PTH2R: variants seen among roughly 807,000 people sequenced by gnomAD.
The protein encoded by PTH2R is parathyroid hormone 2 receptor, also known as PTH2 receptor.
PTH2R carries 59 observed loss-of-function variants against 60.3 expected under a neutral mutation model. The observed-to-expected ratio is 0.98, with a 90% CI of 0.79 to 1.22. PTH2R has a LOEUF of 1.22. Among genes scored for constraint, PTH2R ranks in the 50% most tolerant of loss-of-function variants. The pLI, the probability that PTH2R is intolerant of heterozygous loss-of-function variation, is 0.00. For missense variants in PTH2R, 749 were observed against 682.6 expected (o/e 1.10, Z -1.08); for synonymous variants, 256 against 243.8 (o/e 1.05, Z -0.47).
In PTH2R at chr2:208,443,398, T is replaced by C; in HGVS notation, c.560T>C (p.Phe187Ser). 6.2e-7 allele frequency: 1 copy of C among 1,612,310 alleles called. No individual in the cohort carries two copies. The highest frequency in any genetic ancestry group is 8.5e-7 in the Non-Finnish European group (1 of 1,179,322). The part of the protein sequence containing the change: ...NYIHMHLFVS[F>S]MLRATSIFVK... Reference sequence around the variant, plus strand: ...ATCCACATGCACTTATTTGTGTCTTTCATGCTGAGAGCTACAAGCATCTTT... The same window carrying C: ...ATCCACATGCACTTATTTGTGTCTTCCATGCTGAGAGCTACAAGCATCTTT... The change falls in exon 6 of 13, where the codon TTC becomes TCC. Residue 187 changes from phenylalanine to serine, a missense_variant. Transcript: ENST00000272847.
chr2:208,361,033 C>T (rs545463447), intron 1 of PTH2R: 38 of 218,486 alleles, frequency 1.7e-4, no homozygotes, highest in Admixed American at 5.4e-4. Context: ...GTTATTCTCC[C>T]GCTGGAAATA....
chr2:208,466,472 T>C (rs1702754025), intron 9 of PTH2R: 1 of 152,302 alleles, frequency 6.6e-6, no homozygotes, highest in South Asian at 2.1e-4. Context: ...TTCAGTGGAC[T>C]TCTGATAACA....
intron 1 of PTH2R, among the ~76,000 whole-genome samples, chr2:208,397,796 T>A (rs1701240117): frequency 6.6e-6 from 1 of 152,100 alleles, no homozygotes; most frequent in African/African-American, 2.4e-5. Context: ...TGGGGATATG[T>A]GGGGTGGCCA....
chr2:208,444,500 T>C (rs1702248885), intron 6 of PTH2R, among the ~76,000 whole-genome samples: 1 of 152,212 alleles, frequency 6.6e-6, no homozygotes, highest in Non-Finnish European at 1.5e-5. Context: ...AGGTGATTTT[T>C]TTGGTAACTT....
intron 1 of PTH2R, among the ~76,000 whole-genome samples, chr2:208,401,485 C>T (rs1279797317): frequency 2.6e-5 from 4 of 151,670 alleles, no homozygotes; most frequent in Non-Finnish European, 4.4e-5. Flanking sequence ...ACCTTCCAAA[C>T]CGCTCAGTGA....
intron 1 of PTH2R, among the ~76,000 whole-genome samples, chr2:208,368,837 T>G (rs1159435140): frequency 1.3e-5 from 2 of 152,210 alleles, no homozygotes; most frequent in African/African-American, 4.8e-5. Flanking sequence ...GTAAGACTAT[T>G]GGAAGGAAAT....
At chr2:208,428,842 T>G (rs1226227319) in intron 2 of PTH2R, among the ~76,000 whole-genome samples, 1 of 152,188 alleles carries the variant, frequency 6.6e-6, no homozygotes, top group Non-Finnish European at 1.5e-5. Flanking sequence ...CCCAGCACTT[T>G]GGGAGGCCGA....
chr2:208,428,486 C>A (rs1394485250), intron 2 of PTH2R, among the ~76,000 whole-genome samples, 183 bp downstream of exon 2: 1 of 152,156 alleles, frequency 6.6e-6, no homozygotes, highest in African/African-American at 2.4e-5. Context: ...TTTTCCTTCC[C>A]TGTGGAAAAA....
At position 208,465,388 on chromosome 2, in the gene PTH2R, C is replaced by CTTTTTTTT. The variant is rs60871321; in HGVS notation, c.981+5452_981+5459dup. ...ACATACTTGTTGGCTATTTGTAAGTCTTTTTTTTTTTTTTTTTTTTTTTTT... is the reference window on the plus strand; with the variant it reads ...ACATACTTGTTGGCTATTTGTAAGTCTTTTTTTTTTTTTTTTTTTTTTTTTTTTTTTTT... On this transcript the variant is annotated intron_variant, in intron 9 of 12. Coordinates refer to ENST00000272847, the MANE Select transcript of PTH2R (RefSeq NM_005048.4). Among the ~76,000 whole-genome samples, 37 of 39,940 alleles carry CTTTTTTTT rather than the reference C, an allele frequency of 9.3e-4. 6 individuals are homozygous for CTTTTTTTT. The highest frequency in any genetic ancestry group is 1.9e-3 in the East Asian group (2 of 1,028). 26.2% of individuals were successfully genotyped at this position (39,940 alleles called of 152,430 possible).
At chr2:208,388,223 A>G (rs1282443963) in intron 1 of PTH2R, among the ~76,000 whole-genome samples, 2 of 149,358 alleles carry the variant, frequency 1.3e-5, no homozygotes, top group Non-Finnish European at 3.0e-5. Flanking sequence ...AGGCTGAGGC[A>G]GGAGAATGGA....
intron 9 of PTH2R, among the ~76,000 whole-genome samples, chr2:208,461,633 G>C (rs1702637353): frequency 6.6e-6 from 1 of 152,082 alleles, no homozygotes; most frequent in Non-Finnish European, 1.5e-5. Flanking sequence ...TTGATGAAAA[G>C]GAAGGACCTA....
chr2:208,388,035 C>T (rs766159388), intron 1 of PTH2R, among the ~76,000 whole-genome samples: 3 of 151,770 alleles, frequency 2.0e-5, no homozygotes, highest in African/African-American at 4.8e-5. Flanking sequence ...TTCAGCCGGG[C>T]GCGGTGGCTC....
chr2:208,482,214 G>C (rs887526401), intron 10 of PTH2R, among the ~76,000 whole-genome samples: 2 of 152,056 alleles, frequency 1.3e-5, no homozygotes, highest in Non-Finnish European at 2.9e-5. Context: ...CACCATTTAG[G>C]TAGTTATTGT....
At position 208,442,362 on chromosome 2, in the gene PTH2R, A is replaced by G. The variant is rs1391177601; in HGVS notation, c.412-2A>G. ...CATACATGAGCATCTCTTCCCTTGC[A>G]GCAAGAATTCTTTGAACGCCTCTAT... On this transcript the variant is annotated splice_acceptor_variant, in intron 4 of 12. Transcript: ENST00000272847. LOFTEE classifies it high-confidence loss of function. The G allele has an allele frequency of 2.5e-6, 4 of 1,604,312 alleles. No individual in the cohort carries two copies. In the Admixed American group the frequency reaches 5.0e-5, roughly 20 times the overall value.
upstream of PTH2R, among the ~76,000 whole-genome samples, chr2:208,404,598 T>A (rs1004991532): frequency 1.3e-5 from 2 of 152,216 alleles, no homozygotes; most frequent in African/African-American, 4.8e-5. Flanking sequence ...TCTCATTTAA[T>A]TGTTACACGG....
At chr2:208,459,283 T>C (rs1038512986) in intron 8 of PTH2R, among the ~76,000 whole-genome samples, 2 of 152,178 alleles carry the variant, frequency 1.3e-5, no homozygotes, top group Non-Finnish European at 2.9e-5. Flanking sequence ...CACATTTACA[T>C]TCAGTACAAT....
At chr2:208,393,299 CAG>C (rs201308025) in intron 1 of PTH2R, among the ~76,000 whole-genome samples, 111,724 of 151,910 alleles carry the variant, frequency 0.74, 44,883 homozygotes, top group East Asian at 0.94. Context: ...TCAACTGAAT[CAG>C]GGGATAAAGA....
At chr2:208,433,667 G>C (rs554770317) in intron 2 of PTH2R, among the ~76,000 whole-genome samples, 6 of 152,112 alleles carry the variant, frequency 3.9e-5, no homozygotes, top group South Asian at 2.1e-4. Flanking sequence ...AGAGAGAAAA[G>C]GATATATAAA....
At chr2:208,438,745 T>C (rs1258832823) in intron 4 of PTH2R, among the ~76,000 whole-genome samples, 1 of 152,178 alleles carries the variant, frequency 6.6e-6, no homozygotes, top group Non-Finnish European at 1.5e-5. Flanking sequence ...ATTTTTGACA[T>C]ATTTCTTTAT....
Sources: allele counts gnomAD v4.1 joint callset (sites outside exome capture counted in the v4.1 genomes callset), GRCh38; gene constraint gnomAD v4.1.1; transcripts MANE v1.5; gene names NCBI Gene and HGNC (gene_info 2026-07-23, HGNC 2026-07-21).